ATP2A3: variants seen among roughly 807,000 people sequenced by gnomAD.
ATP2A3 encodes the protein sarcoplasmic/endoplasmic reticulum calcium ATPase 3.
A neutral mutation model predicts 106.8 loss-of-function variants in ATP2A3; 61 were observed. The observed-to-expected ratio is 0.57, with a 90% CI of 0.46 to 0.71. The LOEUF (loss-of-function observed/expected upper bound fraction) is 0.71. ATP2A3 is among the 30% of genes least tolerant of loss of function. ATP2A3 has a pLI of 0.00. For synonymous variants in ATP2A3, 611 were observed against 609.3 expected, an observed-to-expected ratio of 1.00 and a Z score of -0.04; for missense variants, 1,201 against 1,423.5, an observed-to-expected ratio of 0.84 and a Z score of 2.52.
intron 1 of ATP2A3, among the ~76,000 whole-genome samples, chr17:3,963,896 C>T (rs1482068217): frequency 1.3e-5 from 2 of 151,996 alleles, no homozygotes; most frequent in African/African-American, 2.4e-5. Flanking sequence ...CCAGGGTGGA[C>T]GGGGCCGGAG....
At chr17:3,956,466 G>A (rs552939342) in intron 1 of ATP2A3, among the ~76,000 whole-genome samples, 152 of 152,300 alleles carry the variant, frequency 1.0e-3, no homozygotes, top group Admixed American at 3.3e-3. Context: ...AGTATCCTCC[G>A]TCTGTGCTGG....
chr17:3,934,968 A>G (rs762901130), intron 17 of ATP2A3: 66 of 575,668 alleles, frequency 1.1e-4, no homozygotes, highest in Non-Finnish European at 1.8e-4. Flanking sequence ...GGTCCCCGCT[A>G]ACTGACTGGG....
At chr17:3,963,745 C>T (rs1336077159) in intron 1 of ATP2A3, among the ~76,000 whole-genome samples, 1 of 152,222 alleles carries the variant, frequency 6.6e-6, no homozygotes, top group African/African-American at 2.4e-5. Context: ...TCAGGGGAGA[C>T]CCTGGGGCCA....
chr17:3,951,620 C>A lies in ATP2A3; in HGVS notation c.285G>T (p.Met95Ile). Reference sequence around the variant, plus strand: ...CAATGGCGTTGGCCACGAGGATCAGCATGATGACCAGGGGCTCCACGAAGG... The same window carrying A: ...CAATGGCGTTGGCCACGAGGATCAGAATGATGACCAGGGGCTCCACGAAGG... ...TTAFVEPLVI[M>I]LILVANAIVG... The change falls in exon 4 of 21, where the codon ATG becomes ATT. Residue 95 changes from methionine (M) to isoleucine (I), a missense_variant. Physicochemically the swap from Met to Ile is conservative, Grantham distance 10. Transcript: ENST00000397041. 6.2e-7 allele frequency: 1 copy of A among 1,609,348 alleles called. No individual in the cohort carries two copies. The highest frequency in any genetic ancestry group is 8.5e-7 in the Non-Finnish European group (1 of 1,178,278).
chr17:3,937,700 C>T, intron 14 of ATP2A3, 64 bp from the exon 15 acceptor site: 1 of 1,497,554 alleles, frequency 6.7e-7, no homozygotes, highest in Non-Finnish European at 9.2e-7. Context: ...CATCTCTTCT[C>T]AACTCAGCCC....
At chr17:3,958,789 T>TACAC (rs1324281455) in intron 1 of ATP2A3, among the ~76,000 whole-genome samples, 10,471 of 94,888 alleles carry the variant, frequency 0.11, 1,125 homozygotes, top group East Asian at 0.19. Flanking sequence ...CACATATATA[T>TACAC]ACACATATAT....
chr17:3,950,671 G>A (rs1310562103), intron 6 of ATP2A3, 22 bp downstream of exon 6: 15 of 1,613,610 alleles, frequency 9.3e-6, no homozygotes, highest in South Asian at 5.5e-5. Flanking sequence ...ACTAGGTCCC[G>A]GCCTCCTGGG....
At chr17:3,963,968 G>A (rs2055288380) in intron 1 of ATP2A3, among the ~76,000 whole-genome samples, 1 of 152,080 alleles carries the variant, frequency 6.6e-6, no homozygotes, top group Non-Finnish European at 1.5e-5. Context: ...TCCCCAGCTG[G>A]AACCCGCTCC....
rs757172845 is a variant in ATP2A3, at chr17:3,947,866, G to A, written c.631-11C>T. On this transcript the variant is annotated splice_polypyrimidine_tract_variant and intron_variant, in intron 7 of 20. Transcript: ENST00000397041. The surrounding 1 kb of genome is among the most constrained non-coding windows in gnomAD (Gnocchi z 7.7). ...TGTGATATTGGTGCCCTGGCCAGGG[G>A]AGGGACAAGGAAAAAGCTGCTCAGC... is the stretch of plus-strand genomic sequence containing the variant. The A allele has an allele frequency of 5.0e-6, 8 of 1,598,222 alleles. No homozygotes were observed. The Admixed American group carries it at 1.3e-4, about 27-fold the overall frequency.
chr17:3,942,492 A>G, intron 12 of ATP2A3, 114 bp downstream of exon 12: 1 of 1,454,762 alleles, frequency 6.9e-7, no homozygotes, highest in Non-Finnish European at 9.2e-7. Context: ...GGCTCCTGAG[A>G]ACTTGTAACC....
At chr17:3,945,010 G>A in intron 9 of ATP2A3, 50 bp downstream of exon 9, 1 of 1,423,706 alleles carries the variant, frequency 7.0e-7, no homozygotes, top group Middle Eastern at 2.5e-4. Context: ...CGCCACGCGT[G>A]GCCCCGCCCC....
At chr17:3,943,754 C>T (rs1481216300) in intron 10 of ATP2A3, among the ~76,000 whole-genome samples, 2 of 152,184 alleles carry the variant, frequency 1.3e-5, no homozygotes, top group South Asian at 2.1e-4. Context: ...CCCTGCCCTC[C>T]GCCTGCATCT....
Position 3,924,886 on chromosome 17 carries a change from C to T in ATP2A3, c.*536G>A, listed in dbSNP as rs544474400. On this transcript the variant is annotated 3_prime_UTR_variant, in exon 21 of 21. Transcript: ENST00000397041. The surrounding 1 kb of genome is among the most constrained non-coding windows in gnomAD (Gnocchi z 6.4). ...TGGAGTGGAGGGGGCTGCCCACCCT[C>T]GCTGTACACAGCTGGGCCCAGATGG... The T allele has an allele frequency of 2.2e-3, 990 of 456,726 alleles. 3 individuals carry two copies. Among genetic ancestry groups the T allele is most frequent in the Non-Finnish European group, 2.1e-3 (484 of 227,072 alleles). 28.3% of individuals were successfully genotyped at this position (456,726 alleles called of 1,614,324 possible). A position where few individuals can be genotyped will look rare whatever the true frequency, so the allele number is the denominator to read the frequency against.
Position 3,947,591 on chromosome 17 carries a change from C to T in ATP2A3, c.895G>A (p.Ala299Thr), listed in dbSNP as rs2054185808. Residue 299 changes from alanine (A) to threonine (T), a missense_variant, in exon 8 of 21, where the codon GCC (alanine) becomes ACC (threonine). Transcript: ENST00000397041. This position sits in a 1 kb window ranked among gnomAD's most constrained non-coding sequence, Gnocchi z 7.7. ...LRGAVYYFKIAVALAVAAIPE... is the reference protein window; with the variant it reads ...LRGAVYYFKITVALAVAAIPE... Reference sequence around the variant, plus strand: ...ATGGCCGCCACCGCCAGGGCCACGGCGATCTTGAAGTAGTAGACAGCGCCA... The same window carrying T: ...ATGGCCGCCACCGCCAGGGCCACGGTGATCTTGAAGTAGTAGACAGCGCCA... 3 of 1,612,644 alleles carry T rather than the reference C, an allele frequency of 1.9e-6. No homozygotes were observed. The highest frequency in any genetic ancestry group is 2.5e-6 in the Non-Finnish European group (3 of 1,179,908).
chr17:3,935,337 C>G, intron 16 of ATP2A3, 60 bp from the exon 17 acceptor site: 1 of 1,500,346 alleles, frequency 6.7e-7, no homozygotes, highest in South Asian at 1.1e-5. Flanking sequence ...GCGTCTGTTT[C>G]CCCTGCCTAA....
At chr17:3,927,733 A>G in intron 20 of ATP2A3, 2 of 970,278 alleles carry the variant, frequency 2.1e-6, no homozygotes, top group Non-Finnish European at 2.4e-6. Context: ...GTGAGCCCCT[A>G]CATGTGTCTG....
chr17:3,954,977 G>A (rs970220684), intron 1 of ATP2A3, among the ~76,000 whole-genome samples: 2 of 152,212 alleles, frequency 1.3e-5, no homozygotes, highest in African/African-American at 2.4e-5. Flanking sequence ...GCTTGGGCAA[G>A]GCCACACAGT....
rs1325372785 is a variant in ATP2A3 at position 3,936,926 on chromosome 17, C to T, written c.2322-457G>A. The stretch of plus-strand genomic sequence containing the variant: ...TCACCATTCCCCACAGGCATCCTCA[C>T]ATGTGAATACGAGTGTGTGCACAGT... On this transcript the variant is annotated intron_variant, in intron 15 of 20. Coordinates refer to ENST00000397041, the MANE Select transcript of ATP2A3 (RefSeq NM_005173.4). The surrounding 1 kb of genome is among the most constrained non-coding windows in gnomAD (Gnocchi z 5.4). The T allele has an allele frequency of 9.2e-6, 3 of 327,322 alleles. No homozygotes were observed. Among genetic ancestry groups the T allele is most frequent in the Non-Finnish European group, 1.8e-5 (3 of 167,978 alleles). 20.3% of individuals were successfully genotyped at this position (327,322 alleles called of 1,614,324 possible). A position where few individuals can be genotyped will look rare whatever the true frequency, so the allele number is the denominator to read the frequency against.
rs1415657164 is a variant in ATP2A3 at position 3,936,224 on chromosome 17, T to TAAAG, written c.2524+42_2524+43insCTTT. 7.5e-6 allele frequency: 12 copies of TAAAG among 1,609,758 alleles called. No individual in the cohort carries two copies. The Admixed American group carries it at 2.0e-4, about 27-fold the overall frequency. On this transcript the variant is annotated intron_variant, in intron 16 of 20. Coordinates refer to ENST00000397041, the MANE Select transcript of ATP2A3 (RefSeq NM_005173.4). The surrounding 1 kb of genome is among the most constrained non-coding windows in gnomAD (Gnocchi z 5.4). ...GCTTGCAAGCCTGATACAAGGCTCT[T>TAAAG]AGGAAGCTTAGGAATTCCACGGAGG...
Sources: allele counts gnomAD v4.1 joint callset (sites outside exome capture counted in the v4.1 genomes callset), GRCh38; gene constraint gnomAD v4.1.1; non-coding constraint Gnocchi (gnomAD v3.1); transcripts MANE v1.5; gene names NCBI Gene and HGNC (gene_info 2026-07-23, HGNC 2026-07-21).